The following NREP variants were observed in gnomAD, a reference collection of about 807,000 sequenced individuals.
NREP encodes the protein neuronal regeneration-related protein.
Under a neutral mutation model 8.6 loss-of-function variants are expected in NREP, and 5 were observed. That is an observed-to-expected ratio of 0.58 (90% CI 0.30 to 1.22). NREP has a LOEUF of 1.22. Among genes scored for constraint, NREP ranks in the 50% most tolerant of loss-of-function variants. NREP has a pLI of 0.07. For synonymous variants in NREP, 27 were observed against 28.0 expected, an observed-to-expected ratio of 0.96 and a Z score of 0.11; for missense variants, 86 against 82.5, an observed-to-expected ratio of 1.04 and a Z score of -0.17.
chr5:111,967,295 T>TA (rs781709424), intron 2 of NREP, among the ~76,000 whole-genome samples: 121 of 530 alleles, frequency 0.23, no homozygotes, highest in Non-Finnish European at 0.35. Flanking sequence ...TTTCTTTATA[T>TA]TTTTTTCTTT....
intron 2 of NREP, among the ~76,000 whole-genome samples, chr5:111,765,700 C>G (rs762944684): frequency 6.6e-6 from 1 of 152,316 alleles, no homozygotes; most frequent in South Asian, 2.1e-4. Context: ...TAGAAATTTG[C>G]AGATCCAATG....
intron 2 of NREP, among the ~76,000 whole-genome samples, chr5:111,956,523 G>A (rs988843475): frequency 6.6e-6 from 1 of 151,090 alleles, no homozygotes; most frequent in Non-Finnish European, 1.5e-5. Flanking sequence ...TTTAAATCAA[G>A]TGACATGAAG....
rs188250226 is a variant in NREP, at chr5:111,883,872, G to C, written c.135+91402C>G. Among the ~76,000 whole-genome samples the C allele has an allele frequency of 8.7e-3, 1,320 of 152,150 alleles. 7 individuals are homozygous for C. The highest frequency in any genetic ancestry group is 0.02 in the Middle Eastern group (6 of 294). ...ACTAAATGCCCACAAGAGAAAGCAG[G>C]AAAGATCTAAAATTCACACCCTGAC... is the stretch of plus-strand genomic sequence containing the variant. On this transcript the variant is annotated intron_variant, in intron 2 of 3. Coordinates refer to the NREP transcript ENST00000395634.
intron 2 of NREP, among the ~76,000 whole-genome samples, chr5:111,737,472 C>T (rs1330863325): frequency 1.3e-5 from 2 of 152,084 alleles, no homozygotes; most frequent in South Asian, 2.1e-4. Flanking sequence ...GATAAAAGTA[C>T]ATGTAAAAAC....
rs2112679169 is a variant in NREP at position 111,975,327 on chromosome 5, CTCTG to C, written c.78_81del (p.Asp26GlufsTer17). 1 of 1,551,680 alleles carries C rather than the reference CTCTG, an allele frequency of 6.4e-7. No homozygotes were observed. Among genetic ancestry groups the C allele is most frequent in the South Asian group, 1.2e-5 (1 of 84,070 alleles). On this transcript the variant is annotated frameshift_variant, in exon 2 of 4. Transcript: ENST00000395634. LOFTEE classifies it high-confidence loss of function. ...ACCTGGAAACATTTGGAACAAGGGA[CTCTG>C]TCTGTCATCCTGCTCCTCTGGGTTC...
intron 2 of NREP, among the ~76,000 whole-genome samples, chr5:111,973,385 G>C (rs1356981524): frequency 1.3e-5 from 2 of 152,126 alleles, no homozygotes; most frequent in African/African-American, 4.8e-5. Flanking sequence ...TGAGAAAAAA[G>C]TATTTCTCCC....
At chr5:111,755,950 C>A in intron 1 of NREP, 120 bp from the exon 2 acceptor site, 1 of 1,481,124 alleles carries the variant, frequency 6.8e-7, no homozygotes, top group South Asian at 1.3e-5. Context: ...AAGTTACATG[C>A]AAATTATTGT....
At chr5:111,921,793 A>T (rs909579501) in intron 2 of NREP, among the ~76,000 whole-genome samples, 4 of 152,032 alleles carry the variant, frequency 2.6e-5, no homozygotes, top group African/African-American at 9.7e-5. Context: ...AGGGACCCGG[A>T]GGGAGGTAGG....
intron 2 of NREP, among the ~76,000 whole-genome samples, chr5:111,819,905 G>T (rs567569353): frequency 6.6e-6 from 1 of 152,236 alleles, no homozygotes; most frequent in East Asian, 1.9e-4. Flanking sequence ...TTTTAAGAGA[G>T]CTTATTAATT....
At chr5:111,737,249 C>T (rs141902296) in intron 2 of NREP, among the ~76,000 whole-genome samples, 71 of 152,258 alleles carry the variant, frequency 4.7e-4, no homozygotes, top group Non-Finnish European at 6.3e-4. Context: ...AATACACAAG[C>T]TTTTTTCAGA....
At chr5:111,772,216 G>A (rs1472132511) in intron 2 of NREP, among the ~76,000 whole-genome samples, 1 of 152,162 alleles carries the variant, frequency 6.6e-6, no homozygotes, top group Non-Finnish European at 1.5e-5. Context: ...CCCTCATGCT[G>A]TGACTTGTAA....
At chr5:111,823,412 T>C (rs1268327640) in intron 2 of NREP, among the ~76,000 whole-genome samples, 1 of 152,176 alleles carries the variant, frequency 6.6e-6, no homozygotes, top group African/African-American at 2.4e-5. Context: ...TCTAGCTCTG[T>C]CTCCTGACAA....
At chr5:111,885,887 A>T (rs1489284197) in intron 2 of NREP, among the ~76,000 whole-genome samples, 1 of 152,204 alleles carries the variant, frequency 6.6e-6, no homozygotes, top group Non-Finnish European at 1.5e-5. Context: ...AAACCTAGGC[A>T]TTACCATTCA....
intron 2 of NREP, among the ~76,000 whole-genome samples, chr5:111,863,073 A>C (rs1050169470): frequency 2.0e-5 from 3 of 151,980 alleles, no homozygotes; most frequent in Non-Finnish European, 4.4e-5. Context: ...TTAAGGTAGA[A>C]ATAGATTCAA....
At chr5:111,909,980 T>C (rs894871817) in intron 2 of NREP, among the ~76,000 whole-genome samples, 3 of 152,140 alleles carry the variant, frequency 2.0e-5, no homozygotes, top group Non-Finnish European at 2.9e-5. Flanking sequence ...ACTTGTGATT[T>C]CTTTCTTTTC....
At chr5:111,903,369 G>C (rs978702106) in intron 2 of NREP, among the ~76,000 whole-genome samples, 2 of 152,028 alleles carry the variant, frequency 1.3e-5, no homozygotes, top group Admixed American at 6.6e-5. Context: ...ACAGGTGTGA[G>C]CCACGGCACC....
chr5:111,943,505 A>T (rs1447971081), intron 2 of NREP, among the ~76,000 whole-genome samples: 1 of 152,114 alleles, frequency 6.6e-6, no homozygotes, highest in Non-Finnish European at 1.5e-5. Context: ...CCTGAGCTCC[A>T]GAACTTTGTA....
intron 2 of NREP, among the ~76,000 whole-genome samples, chr5:111,844,607 T>A (rs1753112426): frequency 6.7e-6 from 1 of 148,812 alleles, no homozygotes; most frequent in African/African-American, 2.4e-5. Context: ...TATTTTGCAA[T>A]CATTCTTGAA....
chr5:111,895,233 G>A (rs774619394), intron 2 of NREP, among the ~76,000 whole-genome samples: 6 of 152,174 alleles, frequency 3.9e-5, no homozygotes, highest in Non-Finnish European at 7.3e-5. Flanking sequence ...GACAGAGTGG[G>A]GCTCAGGAAT....
Sources: allele counts gnomAD v4.1 joint callset (sites outside exome capture counted in the v4.1 genomes callset), GRCh38; gene constraint gnomAD v4.1.1; transcripts MANE v1.5; gene names NCBI Gene and HGNC (gene_info 2026-07-23, HGNC 2026-07-21).